GPR39: variants seen among roughly 807,000 people sequenced by gnomAD.
GPR39 encodes the protein zinc sensing receptor.
GPR39 carries 23 observed loss-of-function variants against 18.4 expected under a neutral mutation model. The ratio of observed to expected loss-of-function variants is 1.25; its 90% CI spans 0.90 to 1.77. The LOEUF (loss-of-function observed/expected upper bound fraction) is 1.77, where lower values mean the gene tolerates loss of function less well. Among genes scored for constraint, GPR39 ranks in the 40% most tolerant of loss-of-function variants. The pLI is 0.00. For synonymous variants in GPR39, 280 were observed against 257.9 expected (o/e 1.09, Z -0.82); for missense variants, 647 against 602.4 (o/e 1.07, Z -0.78).
intron 1 of GPR39, among the ~76,000 whole-genome samples, chr2:132,553,335 G>GTATGTATATGTGTATATATATATGTATA (rs1680086711): frequency 1.4e-5 from 2 of 147,204 alleles, no homozygotes; most frequent in African/African-American, 4.9e-5. Context: ...GTGTGTGTGT[G>GTATGTATATGTGTATATATATATGTATA]TATGTATATG....
intron 1 of GPR39, among the ~76,000 whole-genome samples, chr2:132,507,405 A>G (rs1448035071): frequency 6.6e-6 from 1 of 152,180 alleles, no homozygotes; most frequent in African/African-American, 2.4e-5. Context: ...GTGATGGGTA[A>G]CATTTATGAG....
rs889374557 is a variant in GPR39, at chr2:132,417,954, CCGTGCCA to C, written c.856+58_856+64del. 49 of 1,523,114 alleles carry C rather than the reference CCGTGCCA, an allele frequency of 3.2e-5. 1 individual carries two copies. The Admixed American group carries it at 9.4e-4, about 29-fold the overall frequency. The allele number at this position is 1,523,114 out of a possible 1,614,324, so 94.3% of individuals were successfully genotyped here. On this transcript the variant is annotated intron_variant, in intron 1 of 1. Coordinates refer to ENST00000329321, the MANE Select transcript of GPR39 (RefSeq NM_001508.3). Reference sequence around the variant, plus strand: ...CAGCTTCCCAACCTTCCCCCACGACCCGTGCCACTGCCTGTGGCCCTCTCCAGGGCAA... The same window carrying C: ...CAGCTTCCCAACCTTCCCCCACGACCCTGCCTGTGGCCCTCTCCAGGGCAA...
At chr2:132,513,378 G>A (rs113186654) in intron 1 of GPR39, among the ~76,000 whole-genome samples, 4,243 of 152,164 alleles carry the variant, frequency 0.028, 193 homozygotes, top group African/African-American at 0.096. Context: ...CGGGAGGATG[G>A]CGTGAACCTG....
At chr2:132,534,885 T>C (rs1185562540) in intron 1 of GPR39, among the ~76,000 whole-genome samples, 1 of 151,994 alleles carries the variant, frequency 6.6e-6, no homozygotes, top group Admixed American at 6.6e-5. Context: ...ATATACCTAA[T>C]GCTAAATGAC....
intron 1 of GPR39, among the ~76,000 whole-genome samples, chr2:132,551,884 G>A (rs764169538): frequency 6.6e-6 from 1 of 152,132 alleles, no homozygotes; most frequent in Non-Finnish European, 1.5e-5. Context: ...CTCTGTGCTC[G>A]GTTCTCTGCT....
chr2:132,585,040 A>G (rs1402312921), intron 1 of GPR39, among the ~76,000 whole-genome samples: 2 of 152,196 alleles, frequency 1.3e-5, no homozygotes, highest in African/African-American at 4.8e-5. Flanking sequence ...GGAGGTCTCA[A>G]AATACACCAA....
chr2:132,554,736 G>A (rs921737107), intron 1 of GPR39, among the ~76,000 whole-genome samples: 2 of 152,160 alleles, frequency 1.3e-5, no homozygotes, highest in African/African-American at 4.8e-5. Flanking sequence ...TGACTTTGCA[G>A]CACGGCTCAT....
chr2:132,562,819 G>A lies in GPR39; in HGVS notation c.857-82282G>A, dbSNP rs186483062. The stretch of plus-strand genomic sequence containing the variant: ...ACCTCTTCCTACATCTCTAACTTCA[G>A]AACAAGCTCATGCAGCAACACCGAG... On this transcript the variant is annotated intron_variant, in intron 1 of 1. Transcript: ENST00000329321. Among the ~76,000 whole-genome samples the A allele has an allele frequency of 6.1e-4, 93 of 152,122 alleles. 1 individual carries two copies. Among genetic ancestry groups the A allele is most frequent in the African/African-American group, 1.9e-3 (79 of 41,500 alleles).
intron 1 of GPR39, among the ~76,000 whole-genome samples, chr2:132,517,734 T>C (rs1679358487): frequency 6.6e-6 from 1 of 152,230 alleles, no homozygotes; most frequent in South Asian, 2.1e-4. Flanking sequence ...TTTTTAACCA[T>C]TGAAAGAATT....
At chr2:132,489,139 A>G in intron 1 of GPR39, 1 of 238,836 alleles carries the variant, frequency 4.2e-6, no homozygotes, top group Non-Finnish European at 8.8e-6. Flanking sequence ...CTGCGAAGGT[A>G]CTTCCTGGGG....
chr2:132,465,922 TATG>T (rs1482575299), intron 1 of GPR39, among the ~76,000 whole-genome samples: 2 of 152,214 alleles, frequency 1.3e-5, no homozygotes, highest in African/African-American at 4.8e-5. Context: ...GTGATGAAAA[TATG>T]ATATATTTTT....
intron 1 of GPR39, among the ~76,000 whole-genome samples, chr2:132,637,550 C>G (rs770055757): frequency 2.6e-5 from 4 of 152,214 alleles, no homozygotes; most frequent in Non-Finnish European, 5.9e-5. Context: ...AAAACCAAAT[C>G]CCAACAGTTC....
intron 1 of GPR39, among the ~76,000 whole-genome samples, chr2:132,533,996 T>A (rs1428498710): frequency 2.0e-5 from 3 of 152,066 alleles, no homozygotes; most frequent in African/African-American, 7.2e-5. Flanking sequence ...ACAGATGGGA[T>A]CTAATTAAAC....
chr2:132,520,824 C>T (rs529599191), intron 1 of GPR39, among the ~76,000 whole-genome samples: 1 of 152,112 alleles, frequency 6.6e-6, no homozygotes, highest in Admixed American at 6.5e-5. Flanking sequence ...GACCAAGGCT[C>T]TTCCAGCCCA....
intron 1 of GPR39, among the ~76,000 whole-genome samples, chr2:132,641,533 T>A (rs1259243960): frequency 6.6e-6 from 1 of 152,198 alleles, no homozygotes; most frequent in South Asian, 2.1e-4. Flanking sequence ...CATGTGTCTC[T>A]TCCCAACTGA....
At chr2:132,418,248 A>G (rs780996454) in intron 1 of GPR39, among the ~76,000 whole-genome samples, 9 of 152,208 alleles carry the variant, frequency 5.9e-5, no homozygotes, top group Non-Finnish European at 1.3e-4. Context: ...CAAATTAGGT[A>G]ATGCAGGACA....
chr2:132,599,297 C>A, intron 1 of GPR39, among the ~76,000 whole-genome samples: 1 of 152,158 alleles, frequency 6.6e-6, no homozygotes. Context: ...TTCAAAGATG[C>A]TTCTGCTTTC....
intron 1 of GPR39, among the ~76,000 whole-genome samples, chr2:132,512,683 A>G (rs1290600692): frequency 6.6e-6 from 1 of 152,208 alleles, no homozygotes; most frequent in African/African-American, 2.4e-5. Flanking sequence ...AAGATTGAAT[A>G]AGAATAAAGT....
intron 1 of GPR39, among the ~76,000 whole-genome samples, chr2:132,481,114 C>A (rs1161434800): frequency 6.6e-6 from 1 of 152,176 alleles, no homozygotes; most frequent in Non-Finnish European, 1.5e-5. Flanking sequence ...CAAGTGAACA[C>A]AATGCCCTTA....
Sources: allele counts gnomAD v4.1 joint callset (sites outside exome capture counted in the v4.1 genomes callset), GRCh38; gene constraint gnomAD v4.1.1; transcripts MANE v1.5; gene names NCBI Gene and HGNC (gene_info 2026-07-23, HGNC 2026-07-21).